Variants in TRHDE observed in about 807,000 individuals in gnomAD.
TRHDE encodes thyrotropin-releasing hormone-degrading ectoenzyme.
Under a neutral mutation model 125.7 loss-of-function variants are expected in TRHDE, and 72 were observed. That is an observed-to-expected ratio of 0.57 (90% CI 0.47 to 0.70). The LOEUF is 0.70. Among genes scored for constraint, TRHDE ranks in the 30% least tolerant of loss-of-function variants. TRHDE has a pLI of 0.00. For missense variants in TRHDE, 1,110 were observed against 1,327.1 expected (o/e 0.84, Z 2.54); for synonymous variants, 509 against 509.1 (o/e 1.00, Z 0.00).
chr12:72,361,836 G>C (rs1459183952), intron 2 of TRHDE, among the ~76,000 whole-genome samples: 2 of 129,282 alleles, frequency 1.5e-5, no homozygotes, highest in Non-Finnish European at 3.2e-5. Context: ...TCTTGCAATA[G>C]TTTACTGAGA....
At chr12:72,643,106 T>C (rs1874135063) in intron 15 of TRHDE, among the ~76,000 whole-genome samples, 1 of 152,178 alleles carries the variant, frequency 6.6e-6, no homozygotes, top group Non-Finnish European at 1.5e-5. Context: ...TTTAGATTGA[T>C]TCATCTGCTG....
intron 2 of TRHDE, among the ~76,000 whole-genome samples, chr12:72,334,436 C>T (rs1869740490): frequency 6.6e-6 from 1 of 152,198 alleles, no homozygotes; most frequent in Non-Finnish European, 1.5e-5. Flanking sequence ...AATTGGGGTT[C>T]TAGCACCAGA....
chr12:72,131,732 A>G (rs1388783711), intron 2 of TRHDE, among the ~76,000 whole-genome samples: 1 of 152,216 alleles, frequency 6.6e-6, no homozygotes, highest in East Asian at 1.9e-4. Context: ...CTCAGGGAGC[A>G]GCCCACTCTG....
chr12:72,103,748 C>A (rs1875120352), intron 1 of TRHDE, among the ~76,000 whole-genome samples: 1 of 152,132 alleles, frequency 6.6e-6, no homozygotes, highest in Non-Finnish European at 1.5e-5. Flanking sequence ...CAAGTAATTT[C>A]TTTTCCTTTT....
At chr12:72,518,552 A>G (rs1163341979) in intron 6 of TRHDE, among the ~76,000 whole-genome samples, 2 of 151,958 alleles carry the variant, frequency 1.3e-5, no homozygotes, top group Non-Finnish European at 2.9e-5. Flanking sequence ...TGCATGTGAG[A>G]TGGGTTTCCT....
At chr12:72,383,749 GA>G (rs1162827581) in intron 3 of TRHDE, among the ~76,000 whole-genome samples, 4 of 150,184 alleles carry the variant, frequency 2.7e-5, no homozygotes, top group Non-Finnish European at 4.4e-5. Flanking sequence ...TCCAGATGAG[GA>G]AATTTAGGCA....
chr12:72,150,127 GA>G (rs2139320420), intron 2 of TRHDE, among the ~76,000 whole-genome samples: 1 of 152,268 alleles, frequency 6.6e-6, no homozygotes, highest in African/African-American at 2.4e-5. Context: ...TTAAATACTA[GA>G]AGGGAAGTGG....
intron 2 of TRHDE, among the ~76,000 whole-genome samples, chr12:72,294,693 TG>T (rs1880220350): frequency 6.6e-6 from 1 of 152,142 alleles, no homozygotes; most frequent in South Asian, 2.1e-4. Context: ...CCCTGCTCAC[TG>T]GGGACCCGCC....
At chr12:72,404,659 C>G (rs1873191664) in intron 3 of TRHDE, among the ~76,000 whole-genome samples, 1 of 152,112 alleles carries the variant, frequency 6.6e-6, no homozygotes, top group South Asian at 2.1e-4. Context: ...TCTCACGAAA[C>G]TTACTATCAT....
intron 2 of TRHDE, among the ~76,000 whole-genome samples, chr12:72,155,071 T>A (rs1247881519): frequency 2.0e-5 from 3 of 152,252 alleles, no homozygotes; most frequent in African/African-American, 7.2e-5. Flanking sequence ...AGTCCCATAT[T>A]TCTTGGAGGT....
intron 5 of TRHDE, among the ~76,000 whole-genome samples, chr12:72,475,006 T>C (rs2135904812): frequency 6.6e-6 from 1 of 152,292 alleles, no homozygotes; most frequent in East Asian, 1.9e-4. Context: ...GTTTATTTGA[T>C]TTATGTGCCT....
chr12:72,531,254 G>T (rs1185338643), intron 6 of TRHDE, among the ~76,000 whole-genome samples: 1 of 151,910 alleles, frequency 6.6e-6, no homozygotes, highest in Non-Finnish European at 1.5e-5. Flanking sequence ...TGCCGTTTGG[G>T]TTGCTTACTT....
chr12:72,398,670 A>C (rs369580984), intron 3 of TRHDE, among the ~76,000 whole-genome samples: 34 of 152,242 alleles, frequency 2.2e-4, no homozygotes, highest in African/African-American at 5.5e-4. Context: ...ACAACTTTTC[A>C]ATTACTTTAA....
intron 2 of TRHDE, among the ~76,000 whole-genome samples, chr12:72,290,997 C>G (rs1880067997): frequency 6.6e-6 from 1 of 152,138 alleles, no homozygotes; most frequent in Non-Finnish European, 1.5e-5. Context: ...ATTTGTATGC[C>G]TGTTTTAAAA....
At chr12:72,338,966 C>A (rs12831103) in intron 2 of TRHDE, among the ~76,000 whole-genome samples, 52,728 of 152,054 alleles carry the variant, frequency 0.35, 9,878 homozygotes, top group Non-Finnish European at 0.43. Flanking sequence ...TAAAGTAAAC[C>A]AATTCAGTTT....
intron 2 of TRHDE, among the ~76,000 whole-genome samples, chr12:72,228,097 C>T (rs1878171812): frequency 6.6e-6 from 1 of 152,204 alleles, no homozygotes; most frequent in Non-Finnish European, 1.5e-5. Context: ...TGTCCCTCTT[C>T]TTACAGTTCC....
chr12:72,229,978 C>G (rs995308213), intron 2 of TRHDE, among the ~76,000 whole-genome samples: 2 of 152,024 alleles, frequency 1.3e-5, no homozygotes, highest in African/African-American at 4.8e-5. Context: ...AATATTTTTA[C>G]AATATAAGAA....
intron 2 of TRHDE, among the ~76,000 whole-genome samples, chr12:72,327,862 G>A (rs939003715): frequency 3.9e-5 from 6 of 152,056 alleles, no homozygotes; most frequent in Non-Finnish European, 5.9e-5. Flanking sequence ...GATTGTTTTG[G>A]GAATTTGTTT....
intron 2 of TRHDE, among the ~76,000 whole-genome samples, chr12:72,123,784 T>C (rs1875646696): frequency 6.6e-6 from 1 of 152,134 alleles, no homozygotes; most frequent in South Asian, 2.1e-4. Flanking sequence ...AATCAAGATA[T>C]TGAACATTTC....
Sources: gnomAD v4.1 joint callset for allele counts (sites outside exome capture counted in the v4.1 genomes callset) on GRCh38, gnomAD v4.1.1 for gene constraint, MANE v1.5 for transcripts, NCBI Gene and HGNC (gene_info 2026-07-23, HGNC 2026-07-21) for gene names.